The following TTC7B variants were observed in gnomAD, a reference collection of about 807,000 sequenced individuals.
TTC7B encodes the protein tetratricopeptide repeat protein 7B.
TTC7B carries 28 observed loss-of-function variants against 106.8 expected under a neutral mutation model. The observed-to-expected ratio is 0.26, with a 90% CI of 0.19 to 0.36. TTC7B has a LOEUF of 0.36. Ranked by LOEUF, TTC7B falls within the 10% of genes least tolerant of loss-of-function variation. TTC7B has a pLI of 1.00. For missense variants in TTC7B, 862 were observed against 1,076.4 expected (o/e 0.80, Z 2.79); for synonymous variants, 405 against 430.6 (o/e 0.94, Z 0.74).
chr14:90,573,602 C>G (rs1781167212), intron 19 of TTC7B, among the ~76,000 whole-genome samples: 1 of 149,216 alleles, frequency 6.7e-6, no homozygotes, highest in Non-Finnish European at 1.5e-5. Context: ...CACGGTCCCT[C>G]TCAGCTCACG....
intron 4 of TTC7B, among the ~76,000 whole-genome samples, chr14:90,739,572 G>C (rs759854351): frequency 3.9e-5 from 6 of 152,246 alleles, no homozygotes; most frequent in Non-Finnish European, 7.3e-5. Context: ...GCCCCTTCAT[G>C]AACACGGGAA....
chr14:90,623,495 T>A (rs1228031192), intron 15 of TTC7B, among the ~76,000 whole-genome samples: 1 of 152,212 alleles, frequency 6.6e-6, no homozygotes, highest in Non-Finnish European at 1.5e-5. Flanking sequence ...CTCCAAAATG[T>A]GCAAAGCTCT....
At chr14:90,715,369 G>A (rs1161499639) in intron 5 of TTC7B, among the ~76,000 whole-genome samples, 1 of 152,136 alleles carries the variant, frequency 6.6e-6, no homozygotes, top group East Asian at 1.9e-4. Flanking sequence ...CCAGAACTAC[G>A]CTGCCACTGG....
In TTC7B at chr14:90,780,758, G is replaced by T. The variant is rs1671662551; in HGVS notation, c.425C>A (p.Ala142Glu). 1 of 1,614,080 alleles carries T rather than the reference G, an allele frequency of 6.2e-7. No homozygotes were observed. Among genetic ancestry groups the T allele is most frequent in the South Asian group, 1.1e-5 (1 of 91,080 alleles). The change falls in exon 3 of 20, where the codon GCA (alanine) becomes GAA (glutamate). Residue 142 changes from alanine (A) to glutamate (E), a missense_variant. Ala to Glu is a moderately radical substitution (Grantham distance 107, BLOSUM62 -1). Transcript: ENST00000328459. ...CTCACCTTTGGTAGCGTAGGCTTCT[G>T]CGATCACCCGCAGCCTGTAGGGCGG... ...AVPPYRLRVIAEAYATKGLCL... is the reference protein window; with the variant it reads ...AVPPYRLRVIEEAYATKGLCL...
At chr14:90,815,597 G>T (rs927804707) in intron 1 of TTC7B, among the ~76,000 whole-genome samples, 2 of 151,674 alleles carry the variant, frequency 1.3e-5, no homozygotes, top group African/African-American at 2.4e-5. Flanking sequence ...TTCTCCGAAC[G>T]CCAGGACGCA....
At chr14:90,605,798 A>C in intron 17 of TTC7B, 1 of 1,213,952 alleles carries the variant, frequency 8.2e-7, no homozygotes, top group Non-Finnish European at 1.0e-6. Flanking sequence ...AAGGCAAAAA[A>C]AAAACTTTAG....
chr14:90,629,205 G>A (rs971858582), intron 15 of TTC7B, among the ~76,000 whole-genome samples: 4 of 151,954 alleles, frequency 2.6e-5, no homozygotes, highest in Non-Finnish European at 5.9e-5. Context: ...GGATAAATTT[G>A]GAGATTCTCT....
At chr14:90,664,296 G>A (rs763553636) in intron 9 of TTC7B, among the ~76,000 whole-genome samples, 28 of 151,936 alleles carry the variant, frequency 1.8e-4, no homozygotes, top group Non-Finnish European at 3.7e-4. Context: ...TTGAGACAGG[G>A]TCTTGCTCTG....
At chr14:90,646,199 T>C (rs547718236) in intron 14 of TTC7B, among the ~76,000 whole-genome samples, 7 of 152,312 alleles carry the variant, frequency 4.6e-5, no homozygotes, top group East Asian at 1.9e-4. Context: ...GGGAATGGCA[T>C]GTCTGGAGAG....
rs1890419032 is a variant in TTC7B at position 90,759,197 on chromosome 14, C to T, written c.446-14275G>A. Among the ~76,000 whole-genome samples, 1 of 152,150 alleles carries T rather than the reference C, an allele frequency of 6.6e-6. No homozygotes were observed. The highest frequency in any genetic ancestry group is 1.5e-5 in the Non-Finnish European group (1 of 68,020). ...AGCCGCACATGACTCTCTCCTTCTC[C>T]ACAGAACAATCTGTGTTCTGCTCCC... On this transcript the variant is annotated intron_variant, in intron 3 of 19. Coordinates refer to ENST00000328459, the MANE Select transcript of TTC7B (RefSeq NM_001010854.2). This position sits in a 1 kb window ranked among gnomAD's most constrained non-coding sequence, Gnocchi z 4.1.
intron 5 of TTC7B, among the ~76,000 whole-genome samples, chr14:90,709,793 T>A (rs915286788): frequency 2.0e-5 from 3 of 151,970 alleles, no homozygotes; most frequent in Non-Finnish European, 4.4e-5. Flanking sequence ...GCTTTTGTCA[T>A]GGCATAAGTC....
intron 17 of TTC7B, among the ~76,000 whole-genome samples, chr14:90,610,491 T>G (rs1056083734): frequency 6.6e-6 from 1 of 152,164 alleles, no homozygotes; most frequent in Non-Finnish European, 1.5e-5. Context: ...TTTCAAATTT[T>G]AAGTTCCAAG....
chr14:90,787,172 T>C (rs910030988), intron 1 of TTC7B, among the ~76,000 whole-genome samples: 1 of 152,200 alleles, frequency 6.6e-6, no homozygotes, highest in Non-Finnish European at 1.5e-5. Context: ...AAGTCATAAC[T>C]ATACAGATAT....
At chr14:90,791,764 T>C (rs1012583896) in intron 1 of TTC7B, among the ~76,000 whole-genome samples, 1 of 152,074 alleles carries the variant, frequency 6.6e-6, no homozygotes, top group Non-Finnish European at 1.5e-5. Context: ...AAGCCACCTA[T>C]TGAGGATGAG....
At chr14:90,607,958 A>C (rs1214917808) in intron 17 of TTC7B, among the ~76,000 whole-genome samples, 1 of 152,246 alleles carries the variant, frequency 6.6e-6, no homozygotes, top group African/African-American at 2.4e-5. Flanking sequence ...ATGGATGGGC[A>C]GGGGTGGAAG....
Position 90,535,004 on chromosome 14 carries a change from G to C in TTC7B, c.*6364C>G, listed in dbSNP as rs1034840651. 15 of 152,358 alleles carry C rather than the reference G, an allele frequency of 9.8e-5. No homozygotes were observed. The highest frequency in any genetic ancestry group is 3.6e-4 in the African/African-American group (15 of 41,436). The allele number at this position is 152,358 out of a possible 1,614,324, so 9.4% of individuals were successfully genotyped here. ...CATGTGATCACAGACACGCCCACCT[G>C]TGCACGAGCATGCACCTCCCCCAGG... On this transcript the variant is annotated 3_prime_UTR_variant, in exon 20 of 20. Transcript: ENST00000328459.
Position 90,537,377 on chromosome 14 carries a change from G to GC in TTC7B, c.*3990_*3991insG, listed in dbSNP as rs1555372749. 22 of 144,400 alleles carry GC rather than the reference G, an allele frequency of 1.5e-4. 2 individuals are homozygous for GC. Among genetic ancestry groups the GC allele is most frequent in the South Asian group, 2.3e-4 (1 of 4,346 alleles). The allele number at this position is 144,400 out of a possible 1,614,324, so 8.9% of individuals were successfully genotyped here. On this transcript the variant is annotated 3_prime_UTR_variant, in exon 20 of 20. Transcript: ENST00000328459. The stretch of plus-strand genomic sequence containing the variant: ...ATTTTTTTTTTTTTGTAGAGATGGG[G>GC]GGGGGGTCTCACCATGTTGCCCAGG...
At chr14:90,620,069 A>C (rs1263037216) in intron 15 of TTC7B, among the ~76,000 whole-genome samples, 1 of 152,084 alleles carries the variant, frequency 6.6e-6, no homozygotes, top group Non-Finnish European at 1.5e-5. Context: ...AAGCGCCCCC[A>C]GCGACCCCTC....
At position 90,657,103 on chromosome 14, in the gene TTC7B, G is replaced by T; in HGVS notation, c.1341+71C>A. ...CACCCTCGCTTTCTCTCTGTGCCTC[G>T]ACATGAAAAAAATGGGCAGTCCTGG... is the stretch of plus-strand genomic sequence containing the variant. On this transcript the variant is annotated intron_variant, in intron 11 of 19. Coordinates refer to ENST00000328459, the MANE Select transcript of TTC7B (RefSeq NM_001010854.2). The surrounding 1 kb of genome is among the most constrained non-coding windows in gnomAD (Gnocchi z 4.2). The T allele has an allele frequency of 1.5e-6, 2 of 1,301,584 alleles. No individual in the cohort carries two copies. The highest frequency in any genetic ancestry group is 1.2e-5 in the South Asian group (1 of 81,932). The allele number at this position is 1,301,584 out of a possible 1,614,324, so 80.6% of individuals were successfully genotyped here.
Sources: gnomAD v4.1 joint callset for allele counts (sites outside exome capture counted in the v4.1 genomes callset) on GRCh38, gnomAD v4.1.1 for gene constraint, Gnocchi (gnomAD v3.1) non-coding constraint, MANE v1.5 for transcripts, NCBI Gene and HGNC (gene_info 2026-07-23, HGNC 2026-07-21) for gene names.